KIAA0825: variants seen among roughly 807,000 people sequenced by gnomAD.
KIAA0825 encodes uncharacterized protein KIAA0825.
A neutral mutation model predicts 147.6 loss-of-function variants in KIAA0825; 119 were observed. The observed-to-expected ratio is 0.81, with a 90% CI of 0.69 to 0.94. KIAA0825 has a LOEUF of 0.94. Among genes scored for constraint, KIAA0825 ranks in the 40% least tolerant of loss-of-function variants. The pLI is 0.00. For synonymous variants in KIAA0825, 470 were observed against 518.1 expected (o/e 0.91, Z 1.26); for missense variants, 1,381 against 1,472.7 (o/e 0.94, Z 1.02).
At chr5:94,321,628 A>G (rs1780210523) in intron 20 of KIAA0825, among the ~76,000 whole-genome samples, 1 of 151,984 alleles carries the variant, frequency 6.6e-6, no homozygotes. Context: ...TACATTAGTT[A>G]GTAAAACACA....
intron 1 of KIAA0825, among the ~76,000 whole-genome samples, chr5:94,599,331 G>GTTTTTT (rs57220290): frequency 1.5e-4 from 15 of 98,504 alleles, no homozygotes; most frequent in South Asian, 3.5e-4. Context: ...GATTATTTGG[G>GTTTTTT]TTTTTTTTTT....
chr5:94,285,331 T>A (rs17083523), intron 20 of KIAA0825, among the ~76,000 whole-genome samples: 5,254 of 152,216 alleles, frequency 0.035, 110 homozygotes, highest in East Asian at 0.1. Flanking sequence ...TTATTTTTTT[T>A]AAAAACAGCT....
intron 2 of KIAA0825, among the ~76,000 whole-genome samples, chr5:94,574,830 A>G (rs1191294367): frequency 6.6e-6 from 1 of 152,090 alleles, no homozygotes; most frequent in Non-Finnish European, 1.5e-5. Flanking sequence ...AACTCAAGCA[A>G]TCCTCCTGCC....
At chr5:94,339,453 C>A (rs1782136554) in intron 20 of KIAA0825, among the ~76,000 whole-genome samples, 2 of 152,078 alleles carry the variant, frequency 1.3e-5, no homozygotes, top group East Asian at 1.9e-4. Context: ...TTTTAAAAAT[C>A]AAAGTAGAAA....
chr5:94,433,996 A>C (rs374772650), intron 14 of KIAA0825, among the ~76,000 whole-genome samples: 122 of 152,314 alleles, frequency 8.0e-4, no homozygotes, highest in Middle Eastern at 6.8e-3. Context: ...GGCCTCAGCA[A>C]GATAATTACC....
At chr5:94,190,081 G>GT (rs1770523690) in intron 20 of KIAA0825, among the ~76,000 whole-genome samples, 1 of 151,864 alleles carries the variant, frequency 6.6e-6, no homozygotes, top group Non-Finnish European at 1.5e-5. Context: ...ATTATTAACT[G>GT]TTTTTTTGCT....
chr5:94,447,706 T>C (rs1249511895), intron 13 of KIAA0825, among the ~76,000 whole-genome samples: 1 of 152,116 alleles, frequency 6.6e-6, no homozygotes, highest in Non-Finnish European at 1.5e-5. Flanking sequence ...TAGCATGTAA[T>C]ATGAATATAA....
intron 20 of KIAA0825, among the ~76,000 whole-genome samples, chr5:94,224,089 T>C (rs1251121309): frequency 1.8e-5 from 2 of 111,434 alleles, no homozygotes; most frequent in Non-Finnish European, 1.8e-5. Context: ...TTTCTTTTTT[T>C]TTTTTTTTTT....
At chr5:94,366,081 C>T (rs2150426853) in intron 20 of KIAA0825, among the ~76,000 whole-genome samples, 1 of 152,272 alleles carries the variant, frequency 6.6e-6, no homozygotes, top group East Asian at 1.9e-4. Context: ...GACCAATTAG[C>T]ACTCCCAACT....
At chr5:94,569,274 C>A (rs1194826758) in intron 2 of KIAA0825, 10 of 279,142 alleles carry the variant, frequency 3.6e-5, no homozygotes, top group African/African-American at 1.8e-4. Context: ...CAAAAACAAC[C>A]ATTATACCCC....
At chr5:94,321,322 T>G (rs1780177768) in intron 20 of KIAA0825, among the ~76,000 whole-genome samples, 1 of 152,004 alleles carries the variant, frequency 6.6e-6, no homozygotes, top group African/African-American at 2.4e-5. Context: ...AACAATAAAA[T>G]TATCTTTAAA....
chr5:94,554,733 T>C (rs1025817203), intron 2 of KIAA0825, among the ~76,000 whole-genome samples: 2 of 127,182 alleles, frequency 1.6e-5, no homozygotes, highest in East Asian at 4.3e-4. Context: ...TATATATATA[T>C]ATATATATAT....
intron 20 of KIAA0825, among the ~76,000 whole-genome samples, chr5:94,294,974 T>C (rs1241365971): frequency 6.6e-6 from 1 of 152,184 alleles, no homozygotes; most frequent in Non-Finnish European, 1.5e-5. Flanking sequence ...CCTCTCTTGC[T>C]AGGTTGGGGA....
intron 2 of KIAA0825, among the ~76,000 whole-genome samples, chr5:94,550,435 A>G (rs1447014848): frequency 6.6e-6 from 1 of 152,198 alleles, no homozygotes; most frequent in African/African-American, 2.4e-5. Context: ...CTATAGGAAT[A>G]AATCTTTCTC....
intron 20 of KIAA0825, among the ~76,000 whole-genome samples, chr5:94,210,014 C>A (rs948243274): frequency 6.6e-6 from 1 of 152,190 alleles, no homozygotes; most frequent in Non-Finnish European, 1.5e-5. Flanking sequence ...TGTCACAACC[C>A]ATCAATAGAA....
chr5:94,213,913 C>G (rs575123729), intron 20 of KIAA0825, among the ~76,000 whole-genome samples: 4 of 152,328 alleles, frequency 2.6e-5, no homozygotes, highest in African/African-American at 9.6e-5. Flanking sequence ...GCTTTGTTAT[C>G]TGTCCATGCA....
chr5:94,177,012 G>A (rs867249380), intron 20 of KIAA0825, among the ~76,000 whole-genome samples: 25 of 152,006 alleles, frequency 1.6e-4, no homozygotes, highest in Admixed American at 4.6e-4. Flanking sequence ...TCCCCACCCC[G>A]AGCAAACACA....
At chr5:94,586,003 C>T (rs2152377817) in intron 1 of KIAA0825, among the ~76,000 whole-genome samples, 1 of 152,248 alleles carries the variant, frequency 6.6e-6, no homozygotes, top group East Asian at 1.9e-4. Context: ...AGAACAAAGA[C>T]ATAACATACC....
intron 7 of KIAA0825, among the ~76,000 whole-genome samples, chr5:94,474,908 T>C (rs914609302): frequency 2.0e-5 from 3 of 152,100 alleles, no homozygotes; most frequent in African/African-American, 7.2e-5. Context: ...GCTAACACGG[T>C]GAAACCCGGT....
Sources: gnomAD v4.1 joint callset for allele counts (sites outside exome capture counted in the v4.1 genomes callset) on GRCh38, gnomAD v4.1.1 for gene constraint, MANE v1.5 for transcripts, NCBI Gene and HGNC (gene_info 2026-07-23, HGNC 2026-07-21) for gene names.